Variants in SLC9A1 observed in about 807,000 individuals in gnomAD.
The protein encoded by SLC9A1 is solute carrier family 9 member A1.
A neutral mutation model predicts 67.9 loss-of-function variants in SLC9A1; 22 were observed. The ratio of observed to expected loss-of-function variants is 0.32; its 90% CI spans 0.23 to 0.46. The LOEUF is 0.46. Among genes scored for constraint, SLC9A1 ranks in the 20% least tolerant of loss-of-function variants. The probability of loss-of-function intolerance (pLI) is 1.00; values close to 1 mark genes in which losing one functional copy is unlikely to be tolerated. For missense variants in SLC9A1, 686 were observed against 1,094.8 expected (o/e 0.63, Z 5.27); for synonymous variants, 421 against 471.8 (o/e 0.89, Z 1.40).
At chr1:27,133,085 T>G (rs964235162) in intron 1 of SLC9A1, among the ~76,000 whole-genome samples, 9 of 151,878 alleles carry the variant, frequency 5.9e-5, no homozygotes, top group African/African-American at 2.2e-4. Flanking sequence ...TTTTTTTTTT[T>G]GAGACGGAGT....
intron 6 of SLC9A1, 196 bp from the exon 7 acceptor site, chr1:27,102,939 G>A: frequency 1.6e-6 from 1 of 627,728 alleles, no homozygotes; most frequent in Non-Finnish European, 2.8e-6. Context: ...TCGAAGCCTT[G>A]CCTGTGTCCG....
At chr1:27,123,525 C>CA (rs1220230669) in intron 1 of SLC9A1, among the ~76,000 whole-genome samples, 1 of 150,190 alleles carries the variant, frequency 6.7e-6, no homozygotes, top group African/African-American at 2.5e-5. Flanking sequence ...TTTTTTTAGA[C>CA]AGAGTCTCGC....
At chr1:27,105,805 T>C (rs2083180380) in intron 5 of SLC9A1, 80 bp downstream of exon 5, 2 of 1,275,272 alleles carry the variant, frequency 1.6e-6, no homozygotes, top group Admixed American at 3.6e-5. Context: ...GCATTTCAAA[T>C]CACACGCTTT....
Position 27,106,997 on chromosome 1 carries a change from T to C in SLC9A1, c.1282+651A>G, listed in dbSNP as rs547775152. Among the ~76,000 whole-genome samples, 2 of 151,622 alleles carry C rather than the reference T, an allele frequency of 1.3e-5. No individual in the cohort carries two copies. Among genetic ancestry groups the C allele is most frequent in the South Asian group, 4.2e-4 (2 of 4,798 alleles). Reference sequence around the variant, plus strand: ...CTTCTCCCTGCTGAAGGGCCCATCATGGAAATGGGAAGTCCCTCCTGTCTA... The same window carrying C: ...CTTCTCCCTGCTGAAGGGCCCATCACGGAAATGGGAAGTCCCTCCTGTCTA... On this transcript the variant is annotated intron_variant, in intron 4 of 11. Transcript: ENST00000263980. The surrounding 1 kb of genome is among the most constrained non-coding windows in gnomAD (Gnocchi z 4.3).
At chr1:27,112,824 C>T (rs2083237101) in intron 2 of SLC9A1, among the ~76,000 whole-genome samples, 1 of 140,990 alleles carries the variant, frequency 7.1e-6, no homozygotes, top group Admixed American at 7.8e-5. Flanking sequence ...GCGGAGGTTG[C>T]AGTGAGCTGA....
rs1371306055 is a variant in SLC9A1, at chr1:27,099,948, C to T, written c.*359G>A. On this transcript the variant is annotated 3_prime_UTR_variant, in exon 12 of 12. Transcript: ENST00000263980. The stretch of plus-strand genomic sequence containing the variant: ...GGTGGGACCACAGCTGAGCCAGAGA[C>T]TCTTTGGTTAGAAACTAAGATTGGT... The T allele has an allele frequency of 4.3e-6, 1 of 234,780 alleles. No individual in the cohort carries two copies. Among genetic ancestry groups the T allele is most frequent in the Non-Finnish European group, 8.2e-6 (1 of 121,546 alleles). The allele number at this position is 234,780 out of a possible 1,614,324, so 14.5% of individuals were successfully genotyped here.
intron 1 of SLC9A1, among the ~76,000 whole-genome samples, chr1:27,116,051 C>T (rs140322986): frequency 8.3e-4 from 127 of 152,216 alleles, no homozygotes; most frequent in African/African-American, 2.3e-3. Flanking sequence ...AGTGCTAGTA[C>T]GGTGACAAGT....
rs2083182290 is a variant in SLC9A1 at position 27,106,049 on chromosome 1, T to C, written c.1321A>G (p.Ile441Val). The C allele has an allele frequency of 6.2e-7, 1 of 1,613,500 alleles. No homozygotes were observed. Reference protein sequence around the residue: ...GLTWFINKFRIVKLTPKDQFI... With the variant: ...GLTWFINKFRVVKLTPKDQFI... ...TGGTCCTTGGGGGTCAGCTTCACGA[T>C]ACGGAACTTGTTGATGAACCAGGTC... Residue 441 changes from isoleucine to valine, a missense_variant, in exon 5 of 12, where the codon ATC becomes GTC. By Grantham distance (29) the Ile-to-Val change is conservative. Coordinates refer to ENST00000263980, the MANE Select transcript of SLC9A1 (RefSeq NM_003047.5). The surrounding 1 kb of genome is among the most constrained non-coding windows in gnomAD (Gnocchi z 4.3).
At position 27,154,557 on chromosome 1, in the gene SLC9A1, C is replaced by G. The variant is rs1470481833; in HGVS notation, c.-223G>C. ...GGGAAAGGGGGCAAGGACCCAGGAA[C>G]GACCACGAAAGGAGACCAAAAGGTC... On this transcript the variant is annotated 5_prime_UTR_variant, in exon 1 of 12. Coordinates refer to ENST00000263980, the MANE Select transcript of SLC9A1 (RefSeq NM_003047.5). 2 of 476,094 alleles carry G rather than the reference C, an allele frequency of 4.2e-6. No homozygotes were observed. Among genetic ancestry groups the G allele is most frequent in the African/African-American group, 3.9e-5 (2 of 50,894 alleles). The allele number at this position is 476,094 out of a possible 1,614,324, so 29.5% of individuals were successfully genotyped here.
At chr1:27,132,972 G>C (rs932692364) in intron 1 of SLC9A1, among the ~76,000 whole-genome samples, 10 of 152,238 alleles carry the variant, frequency 6.6e-5, no homozygotes, top group East Asian at 1.9e-4. Context: ...ACCTGGCCCC[G>C]TACCATGGAA....
rs1053276200 is a variant in SLC9A1 at position 27,100,795 on chromosome 1, T to G, written c.2111-151A>C. On this transcript the variant is annotated intron_variant, in intron 11 of 11. Coordinates refer to ENST00000263980, the MANE Select transcript of SLC9A1 (RefSeq NM_003047.5). This position sits in a 1 kb window ranked among gnomAD's most constrained non-coding sequence, Gnocchi z 5.6. ...CCTCAGAAGCAGGCCTCTGCGACCT[T>G]CCACCCCACAGCTTCTCTTCCTCAG... 2.1e-5 allele frequency: 14 copies of G among 658,108 alleles called. No homozygotes were observed. Among genetic ancestry groups the G allele is most frequent in the Non-Finnish European group, 3.7e-5 (14 of 380,736 alleles). 40.8% of individuals were successfully genotyped at this position (658,108 alleles called of 1,614,324 possible). A position where few individuals can be genotyped will look rare whatever the true frequency, so the allele number is the denominator to read the frequency against.
intron 1 of SLC9A1, among the ~76,000 whole-genome samples, chr1:27,131,977 T>TATATATAA (rs1557428286): frequency 8.6e-6 from 1 of 116,638 alleles, no homozygotes; most frequent in African/African-American, 3.3e-5. Flanking sequence ...TATATATATA[T>TATATATAA]AAAATTATGG....
chr1:27,136,299 G>A (rs1325148083), intron 1 of SLC9A1, among the ~76,000 whole-genome samples: 1 of 152,232 alleles, frequency 6.6e-6, no homozygotes, highest in African/African-American at 2.4e-5. Flanking sequence ...GGTCTGCTGG[G>A]AGCAGGGGGC....
At chr1:27,142,190 T>A (rs1192675836) in intron 1 of SLC9A1, among the ~76,000 whole-genome samples, 1 of 152,076 alleles carries the variant, frequency 6.6e-6, no homozygotes, top group African/African-American at 2.4e-5. Flanking sequence ...CCACAGCCCC[T>A]CCTCTCGGTC....
chr1:27,101,916 TG>T lies in SLC9A1; in HGVS notation c.1936-91del. 1 of 1,397,158 alleles carries T rather than the reference TG, an allele frequency of 7.2e-7. No individual in the cohort carries two copies. Among genetic ancestry groups the T allele is most frequent in the Non-Finnish European group, 1.0e-6 (1 of 989,880 alleles). 86.5% of individuals were successfully genotyped at this position (1,397,158 alleles called of 1,614,324 possible). On this transcript the variant is annotated intron_variant, in intron 9 of 11. Coordinates refer to ENST00000263980, the MANE Select transcript of SLC9A1 (RefSeq NM_003047.5). The surrounding 1 kb of genome is among the most constrained non-coding windows in gnomAD (Gnocchi z 4.9). ...GCAGTGCTGGAGGCCGGGCCAGTCC[TG>T]GGGTGGGTGCCGAGGGGCACGGGCA...
chr1:27,135,465 T>C (rs940640399), intron 1 of SLC9A1, among the ~76,000 whole-genome samples: 1 of 151,652 alleles, frequency 6.6e-6, no homozygotes. Flanking sequence ...AACTTGCATT[T>C]TTCTTCTTTA....
intron 1 of SLC9A1, among the ~76,000 whole-genome samples, chr1:27,124,527 C>T (rs2083327300): frequency 6.6e-6 from 1 of 152,300 alleles, no homozygotes. Context: ...ATTTCCAGGA[C>T]AATTGCCCTG....
In SLC9A1 at chr1:27,106,332, C is replaced by T. The variant is rs551549858; in HGVS notation, c.1283-245G>A. 2.6e-5 allele frequency among the ~76,000 whole-genome samples: 4 copies of T among 152,188 alleles called. No homozygotes were observed. In the East Asian group the frequency reaches 7.7e-4, roughly 29 times the overall value. On this transcript the variant is annotated intron_variant, in intron 4 of 11. Transcript: ENST00000263980. This position sits in a 1 kb window ranked among gnomAD's most constrained non-coding sequence, Gnocchi z 4.3. Reference sequence around the variant, plus strand: ...GAGACATCATGGAGGCCTCCAGTGGCTGGAGGGCTGGGGGCAGGAAGAGGG... The same window carrying T: ...GAGACATCATGGAGGCCTCCAGTGGTTGGAGGGCTGGGGGCAGGAAGAGGG...
At chr1:27,134,281 G>C (rs891168962) in intron 1 of SLC9A1, among the ~76,000 whole-genome samples, 1 of 152,118 alleles carries the variant, frequency 6.6e-6, no homozygotes, top group Non-Finnish European at 1.5e-5. Flanking sequence ...CCTTCCCTGG[G>C]CTACAGTTTC....
Sources: allele counts gnomAD v4.1 joint callset (sites outside exome capture counted in the v4.1 genomes callset), GRCh38; gene constraint gnomAD v4.1.1; non-coding constraint Gnocchi (gnomAD v3.1); transcripts MANE v1.5; gene names NCBI Gene and HGNC (gene_info 2026-07-23, HGNC 2026-07-21).